ZFAT: variants seen among roughly 807,000 people sequenced by gnomAD.
The protein encoded by ZFAT is zinc finger and AT-hook domain containing, also known as zinc finger protein ZFAT.
Under a neutral mutation model 117.7 loss-of-function variants are expected in ZFAT, and 64 were observed. That is an observed-to-expected ratio of 0.54 (90% CI 0.44 to 0.67). The LOEUF (loss-of-function observed/expected upper bound fraction) is 0.67. Among genes scored for constraint, ZFAT ranks in the 30% least tolerant of loss-of-function variants. ZFAT has a pLI of 0.00. For missense variants in ZFAT, 1,433 were observed against 1,584.5 expected, an observed-to-expected ratio of 0.90 and a Z score of 1.62; for synonymous variants, 679 against 615.0, an observed-to-expected ratio of 1.10 and a Z score of -1.54.
At chr8:134,771,443 C>A in the ZFAT span, among the ~76,000 whole-genome samples, 2 of 152,206 alleles carry the variant, frequency 1.3e-5, no homozygotes, top group South Asian at 4.1e-4. Context: ...TTCCACAGAT[C>A]TCTAGGGCAG....
At chr8:134,580,013 G>T (rs561064532) in intron 10 of ZFAT, among the ~76,000 whole-genome samples, 2 of 151,926 alleles carry the variant, frequency 1.3e-5, no homozygotes, top group African/African-American at 4.8e-5. Context: ...CCTCCGAGAG[G>T]TAATCAGAAA....
intron 1 of ZFAT, among the ~76,000 whole-genome samples, chr8:134,712,413 C>T (rs1814036119): frequency 6.6e-6 from 1 of 152,124 alleles, no homozygotes; most frequent in South Asian, 2.1e-4. Flanking sequence ...GTCCAGCCGG[C>T]GGCCGGGAAG....
At chr8:134,566,393 C>CAAAAAAAAAAA (rs57041885) in intron 10 of ZFAT, among the ~76,000 whole-genome samples, 8,759 of 76,500 alleles carry the variant, frequency 0.11, 1,255 homozygotes, top group Admixed American at 0.15. Flanking sequence ...GACTCCAACT[C>CAAAAAAAAAAA]AAAAAAAAAA....
chr8:134,479,266 T>C (rs561926423), intron 15 of ZFAT, among the ~76,000 whole-genome samples: 4 of 152,322 alleles, frequency 2.6e-5, no homozygotes, highest in African/African-American at 7.2e-5. Context: ...TCCCCAGGTG[T>C]CGTCCGTCCA....
intron 11 of ZFAT, among the ~76,000 whole-genome samples, chr8:134,547,941 TCTGGCA>T (rs1822824495): frequency 1.3e-5 from 2 of 152,202 alleles, no homozygotes; most frequent in Non-Finnish European, 2.9e-5. Context: ...TAAAGAGGCC[TCTGGCA>T]ACTGTGAGAG....
chr8:134,730,399 C>T, the ZFAT span, among the ~76,000 whole-genome samples: 4 of 152,228 alleles, frequency 2.6e-5, no homozygotes, highest in Non-Finnish European at 5.9e-5. Context: ...GTTGCCCAGG[C>T]ACACAGTCCA....
At chr8:134,512,926 G>A (rs959777876) in intron 13 of ZFAT, among the ~76,000 whole-genome samples, 3 of 152,182 alleles carry the variant, frequency 2.0e-5, no homozygotes, top group East Asian at 3.8e-4. Context: ...AGATTCTAAC[G>A]GCTCCTCTGT....
chr8:134,643,982 T>C (rs1329828043), intron 2 of ZFAT, among the ~76,000 whole-genome samples: 1 of 152,174 alleles, frequency 6.6e-6, no homozygotes, highest in African/African-American at 2.4e-5. Flanking sequence ...TTGTGGTAAA[T>C]GCCCAGAAGA....
chr8:134,732,092 T>G, the ZFAT span, among the ~76,000 whole-genome samples: 1 of 152,182 alleles, frequency 6.6e-6, no homozygotes, highest in Admixed American at 6.5e-5. Context: ...AACATGGCAT[T>G]TCCTACATGA....
chr8:134,825,162 T>C, the ZFAT span, among the ~76,000 whole-genome samples: 4 of 152,220 alleles, frequency 2.6e-5, no homozygotes, highest in Non-Finnish European at 4.4e-5. Flanking sequence ...TAAAACTGGT[T>C]AAAGAGGTAC....
At chr8:134,568,088 C>A (rs1317944624) in intron 10 of ZFAT, among the ~76,000 whole-genome samples, 1 of 152,228 alleles carries the variant, frequency 6.6e-6, no homozygotes, top group African/African-American at 2.4e-5. Context: ...ATATTCCATG[C>A]ATTTCATTAA....
chr8:134,691,333 C>T (rs1284708892), intron 1 of ZFAT, among the ~76,000 whole-genome samples: 2 of 91,974 alleles, frequency 2.2e-5, no homozygotes, highest in African/African-American at 9.6e-5. Context: ...GCCCTTCAGC[C>T]CCATGCTCAG....
chr8:134,704,651 A>C (rs1834100630), intron 1 of ZFAT, among the ~76,000 whole-genome samples: 1 of 152,220 alleles, frequency 6.6e-6, no homozygotes. Flanking sequence ...TGTGGTACTG[A>C]TAAAGAATAA....
At chr8:134,558,303 A>T (rs1459814423) in intron 11 of ZFAT, among the ~76,000 whole-genome samples, 2 of 152,184 alleles carry the variant, frequency 1.3e-5, no homozygotes, top group Non-Finnish European at 1.5e-5. Flanking sequence ...CTGATGGGCC[A>T]AGCCTTCCCA....
chr8:134,612,394 C>T (rs1441873867), intron 3 of ZFAT, among the ~76,000 whole-genome samples: 2 of 152,212 alleles, frequency 1.3e-5, no homozygotes, highest in Admixed American at 6.5e-5. Flanking sequence ...TGATTCAACT[C>T]TGCCTAAAGC....
chr8:134,602,498 G>A lies in ZFAT; in HGVS notation c.1221C>T (p.His407=), dbSNP rs1193336210. The change falls in exon 6 of 16, where the codon CAC becomes CAT. Residue 407 remains histidine, a synonymous_variant. Coordinates refer to ENST00000377838, the MANE Select transcript of ZFAT (RefSeq NM_020863.4). Reference sequence around the variant, plus strand: ...CGTTCTTGAACTTGCGCTCACAGATGTGGCAGTCATAGAGCAGCTGCCGCT... The same window carrying A: ...CGTTCTTGAACTTGCGCTCACAGATATGGCAGTCATAGAGCAGCTGCCGCT... The part of the protein sequence containing the change: ...EGKRQLLYDC[H]ICERKFKNEL... 1 of 1,613,902 alleles carries A rather than the reference G, an allele frequency of 6.2e-7. No individual in the cohort carries two copies. The highest frequency in any genetic ancestry group is 2.2e-5 in the East Asian group (1 of 44,884).
At chr8:134,625,305 C>T (rs1215402784) in intron 3 of ZFAT, among the ~76,000 whole-genome samples, 2 of 152,248 alleles carry the variant, frequency 1.3e-5, no homozygotes, top group Non-Finnish European at 2.9e-5. Context: ...TACATACTAA[C>T]TGCAGTGATT....
chr8:134,618,059 G>T (rs1454005996), intron 3 of ZFAT, among the ~76,000 whole-genome samples: 1 of 152,074 alleles, frequency 6.6e-6, no homozygotes, highest in African/African-American at 2.4e-5. Flanking sequence ...CATGTAAGAA[G>T]TGCCTTTCAC....
At chr8:134,526,836 TTTTTTTA>T (rs918636206) in intron 12 of ZFAT, among the ~76,000 whole-genome samples, 2 of 146,538 alleles carry the variant, frequency 1.4e-5, no homozygotes, top group Admixed American at 6.7e-5. Context: ...TCATATTCTT[TTTTTTTA>T]TTTTTTATTT....
Sources: gnomAD v4.1 joint callset for allele counts (sites outside exome capture counted in the v4.1 genomes callset) on GRCh38, gnomAD v4.1.1 for gene constraint, MANE v1.5 for transcripts, NCBI Gene and HGNC (gene_info 2026-07-23, HGNC 2026-07-21) for gene names.